Variants in SNX14 observed in about 807,000 individuals in gnomAD.
The protein encoded by SNX14 is sorting nexin 14.
Under a neutral mutation model 133.8 loss-of-function variants are expected in SNX14, and 93 were observed. That is an observed-to-expected ratio of 0.70 (90% CI 0.59 to 0.83). SNX14 has a LOEUF of 0.83. Ranked by LOEUF, SNX14 falls within the 40% of genes least tolerant of loss-of-function variation. SNX14 has a pLI of 0.00. For synonymous variants in SNX14, 368 were observed against 365.6 expected, an observed-to-expected ratio of 1.01 and a Z score of -0.07; for missense variants, 945 against 1,094.9, an observed-to-expected ratio of 0.86 and a Z score of 1.93.
rs145542533 is a variant in SNX14, at chr6:85,567,703, C to T, written c.418-126G>A. ...TATTATCACAAATAGTGACAGTAGGCGGTGAGCAGTGGCTCACACCTGTAA... is the reference window on the plus strand; with the variant it reads ...TATTATCACAAATAGTGACAGTAGGTGGTGAGCAGTGGCTCACACCTGTAA... On this transcript the variant is annotated intron_variant, in intron 4 of 28. Transcript: ENST00000314673. 242 of 567,844 alleles carry T rather than the reference C, an allele frequency of 4.3e-4. 1 individual carries two copies. In the African/African-American group the frequency reaches 4.4e-3, roughly 10 times the overall value. The allele number at this position is 567,844 out of a possible 1,614,324, so 35.2% of individuals were successfully genotyped here.
intron 7 of SNX14, among the ~76,000 whole-genome samples, chr6:85,556,593 C>G (rs1789883633): frequency 6.6e-6 from 1 of 151,126 alleles, no homozygotes; most frequent in South Asian, 2.1e-4. Flanking sequence ...GCCTCAGCCT[C>G]CTGAGTAGCA....
At chr6:85,574,142 T>G in intron 2 of SNX14, 116 bp downstream of exon 2, 2 of 829,336 alleles carry the variant, frequency 2.4e-6, no homozygotes, top group Non-Finnish European at 3.4e-6. Context: ...GAGAAGAAAT[T>G]GAAAGAAAAC....
At chr6:85,537,706 T>C (rs141971111) in intron 16 of SNX14, among the ~76,000 whole-genome samples, 238 of 152,306 alleles carry the variant, frequency 1.6e-3, no homozygotes, top group African/African-American at 5.1e-3. Flanking sequence ...CCCAGCACTT[T>C]GGAAGGCCAA....
chr6:85,513,521 T>C (rs1265368211), intron 26 of SNX14, among the ~76,000 whole-genome samples: 1 of 152,228 alleles, frequency 6.6e-6, no homozygotes, highest in East Asian at 1.9e-4. Flanking sequence ...CCTTCAATTG[T>C]CCCACATGTC....
At chr6:85,542,808 C>T (rs190245404) in intron 14 of SNX14, among the ~76,000 whole-genome samples, 5 of 152,260 alleles carry the variant, frequency 3.3e-5, no homozygotes, top group Admixed American at 2.0e-4. Flanking sequence ...CTCTATGGCC[C>T]AGGCTTGAGT....
At chr6:85,541,878 A>G (rs1027054701) in intron 15 of SNX14, 107 bp downstream of exon 15, 14 of 748,784 alleles carry the variant, frequency 1.9e-5, no homozygotes, top group Middle Eastern at 2.7e-4. Flanking sequence ...GTGAACTCAT[A>G]TAACAATGGA....
intron 20 of SNX14, among the ~76,000 whole-genome samples, chr6:85,528,037 T>C (rs1562236964): frequency 6.6e-6 from 1 of 152,124 alleles, no homozygotes; most frequent in Non-Finnish European, 1.5e-5. Flanking sequence ...AAGATTTTTC[T>C]TCCCCTAAGA....
chr6:85,531,522 AG>A (rs1357656376), intron 18 of SNX14, among the ~76,000 whole-genome samples: 1 of 152,194 alleles, frequency 6.6e-6, no homozygotes, highest in Non-Finnish European at 1.5e-5. Context: ...CAACATATAA[AG>A]CAAATCGTAG....
chr6:85,508,453 G>T, intron 26 of SNX14: 2 of 886,026 alleles, frequency 2.3e-6, no homozygotes, highest in Non-Finnish European at 1.4e-6. Context: ...GAAATGCATG[G>T]AAAAATGTAA....
chr6:85,537,796 A>C (rs977029306), intron 16 of SNX14, among the ~76,000 whole-genome samples: 5 of 152,158 alleles, frequency 3.3e-5, no homozygotes, highest in African/African-American at 1.2e-4. Flanking sequence ...TAAAAATACA[A>C]AAATTAGCCG....
chr6:85,541,587 CA>C (rs1450902856), intron 15 of SNX14, among the ~76,000 whole-genome samples: 1 of 150,994 alleles, frequency 6.6e-6, no homozygotes, highest in Non-Finnish European at 1.5e-5. Flanking sequence ...TTTCCAGAGC[CA>C]AAAAAAAGAA....
At chr6:85,528,595 T>C (rs1779194553) in intron 19 of SNX14, among the ~76,000 whole-genome samples, 1 of 152,224 alleles carries the variant, frequency 6.6e-6, no homozygotes, top group Non-Finnish European at 1.5e-5. Context: ...AATCACTGTT[T>C]GACACAGATT....
intron 26 of SNX14, among the ~76,000 whole-genome samples, chr6:85,509,926 C>T (rs1385350818): frequency 6.6e-6 from 1 of 152,132 alleles, no homozygotes; most frequent in African/African-American, 2.4e-5. Flanking sequence ...GCTTCTTTCT[C>T]TTAGTAAGAT....
chr6:85,507,280 C>T lies in SNX14; in HGVS notation c.2755G>A (p.Val919Ile). Residue 919 changes from valine to isoleucine, a missense_variant, in exon 28 of 29, where the codon GTT becomes ATT. By Grantham distance (29) the Val-to-Ile change is conservative. This residue lies in a region of SNX14 where 19 missense variants were observed against 39.4 expected (regional missense o/e 0.48). Transcript: ENST00000314673. Reference sequence around the variant, plus strand: ...TCCTGTATCACAATGTCCAATAAAACATAAGTCAGCTAAAGCACCAAAAAA... The same window carrying T: ...TCCTGTATCACAATGTCCAATAAAATATAAGTCAGCTAAAGCACCAAAAAA... ...QPVLNKQLTY[V>I]LLDIVIQELF... The T allele has an allele frequency of 6.2e-7, 1 of 1,608,858 alleles. No homozygotes were observed. The highest frequency in any genetic ancestry group is 1.1e-5 in the South Asian group (1 of 89,582).
chr6:85,519,045 A>G (rs968661401), intron 21 of SNX14, among the ~76,000 whole-genome samples: 2 of 152,218 alleles, frequency 1.3e-5, no homozygotes, highest in African/African-American at 2.4e-5. Context: ...AACAAGTAAC[A>G]GCATTCATCC....
At chr6:85,518,777 CTATTTCTGG>C (rs746243276) in intron 21 of SNX14, among the ~76,000 whole-genome samples, 5 of 152,120 alleles carry the variant, frequency 3.3e-5, no homozygotes, top group Non-Finnish European at 4.4e-5. Context: ...TCCCATTTGG[CTATTTCTGG>C]TATTTCTGGT....
In SNX14 at chr6:85,565,393, A is replaced by G. The variant is rs756442167; in HGVS notation, c.488T>C (p.Val163Ala). 8.7e-6 allele frequency: 14 copies of G among 1,603,826 alleles called. No individual in the cohort carries two copies. The highest frequency in any genetic ancestry group is 1.2e-5 in the Non-Finnish European group (14 of 1,174,666). Residue 163 changes from valine (V) to alanine (A), a missense_variant, in exon 6 of 29, where the codon GTT becomes GCT. Around this residue, in one of 3 missense-constraint regions of SNX14, gnomAD observed 514 missense variants for 538.8 expected, o/e 0.95. Transcript: ENST00000314673. ...ACGTAATGTTATTCTCAGTTCATCA[A>G]CAAAGGATTCATCATCTGTCACATC... The part of the protein sequence containing the change: ...YRDVTDDESF[V>A]DELRITLRFF...
At chr6:85,549,993 TC>T in intron 7 of SNX14, 114 bp from the exon 8 acceptor site, 1 of 889,334 alleles carries the variant, frequency 1.1e-6, no homozygotes, top group Non-Finnish European at 1.6e-6. Flanking sequence ...ATGCCTGTAA[TC>T]CCAGCATTTT....
intron 1 of SNX14, among the ~76,000 whole-genome samples, chr6:85,576,149 C>A (rs1006337578): frequency 2.6e-5 from 4 of 152,020 alleles, no homozygotes; most frequent in Non-Finnish European, 5.9e-5. Flanking sequence ...TTTCTGCTTG[C>A]ACAATCATTT....
Sources: allele counts gnomAD v4.1 joint callset (sites outside exome capture counted in the v4.1 genomes callset), GRCh38; gene constraint gnomAD v4.1.1; regional missense constraint gnomAD v4.1.1; transcripts MANE v1.5; gene names NCBI Gene and HGNC (gene_info 2026-07-23, HGNC 2026-07-21).